Variants in PTPRN2 observed in about 807,000 individuals in gnomAD.
PTPRN2 encodes the protein receptor-type tyrosine-protein phosphatase N2.
Under a neutral mutation model 118.8 loss-of-function variants are expected in PTPRN2, and 74 were observed. The ratio of observed to expected loss-of-function variants is 0.62; its 90% CI spans 0.52 to 0.76. The LOEUF is 0.76. Ranked by LOEUF, PTPRN2 falls within the 30% of genes least tolerant of loss-of-function variation. The pLI is 0.00. For missense variants in PTPRN2, 1,481 were observed against 1,394.4 expected, an observed-to-expected ratio of 1.06 and a Z score of -0.99; for synonymous variants, 641 against 608.0, an observed-to-expected ratio of 1.05 and a Z score of -0.80.
At chr7:158,393,034 A>G (rs771165251) in intron 2 of PTPRN2, among the ~76,000 whole-genome samples, 4 of 152,090 alleles carry the variant, frequency 2.6e-5, no homozygotes, top group Admixed American at 2.0e-4. Flanking sequence ...CCAGCTGCCC[A>G]GGCCCCTGTG....
chr7:158,411,806 T>G (rs1011173361), intron 2 of PTPRN2, among the ~76,000 whole-genome samples: 32 of 152,216 alleles, frequency 2.1e-4, no homozygotes, highest in Admixed American at 3.9e-4. Context: ...GGTCAGTCAC[T>G]GGCCTTCCTC....
intron 12 of PTPRN2, among the ~76,000 whole-genome samples, chr7:157,736,505 G>A (rs1302353562): frequency 6.6e-6 from 1 of 152,204 alleles, no homozygotes; most frequent in Non-Finnish European, 1.5e-5. Context: ...AGAAGATGCT[G>A]TCCACAAGCC....
At chr7:157,792,609 G>A (rs937454427) in intron 12 of PTPRN2, among the ~76,000 whole-genome samples, 1 of 152,326 alleles carries the variant, frequency 6.6e-6, no homozygotes, top group Admixed American at 6.5e-5. Context: ...GTAGGACCTT[G>A]GGGAAGCTGG....
At chr7:157,657,969 AC>A (rs1795677658) in intron 13 of PTPRN2, among the ~76,000 whole-genome samples, 1 of 150,406 alleles carries the variant, frequency 6.6e-6, no homozygotes, top group South Asian at 2.1e-4. Flanking sequence ...TAACAGACAC[AC>A]ACACACCACA....
intron 18 of PTPRN2, 105 bp from the exon 19 acceptor site, chr7:157,576,884 C>A (rs1013831867): frequency 3.7e-5 from 44 of 1,187,346 alleles, no homozygotes; most frequent in Non-Finnish European, 4.9e-5. Context: ...GAGAAGGGGG[C>A]GCTGCGAAGA....
intron 12 of PTPRN2, among the ~76,000 whole-genome samples, chr7:157,885,215 G>A (rs1404543178): frequency 6.6e-6 from 1 of 152,112 alleles, no homozygotes; most frequent in Non-Finnish European, 1.5e-5. Context: ...TGATGCCAGG[G>A]CGGTCTCAAG....
At chr7:158,498,255 C>G (rs1204469998) in intron 1 of PTPRN2, among the ~76,000 whole-genome samples, 1 of 152,222 alleles carries the variant, frequency 6.6e-6, no homozygotes, top group African/African-American at 2.4e-5. Flanking sequence ...GAGCTGGGTA[C>G]CAGGACAACC....
At chr7:157,889,224 G>A (rs1372323079) in intron 12 of PTPRN2, among the ~76,000 whole-genome samples, 1 of 151,936 alleles carries the variant, frequency 6.6e-6, no homozygotes, top group East Asian at 1.9e-4. Context: ...ATGAAGGTCA[G>A]ACCCGCCTGG....
intron 5 of PTPRN2, among the ~76,000 whole-genome samples, chr7:158,187,458 C>T (rs1484354882): frequency 6.6e-6 from 1 of 152,114 alleles, no homozygotes; most frequent in Non-Finnish European, 1.5e-5. Context: ...AGCCGGGGCC[C>T]AGATCTCTAA....
chr7:157,742,626 C>T (rs1375851855), intron 12 of PTPRN2, among the ~76,000 whole-genome samples: 1 of 152,164 alleles, frequency 6.6e-6, no homozygotes, highest in Non-Finnish European at 1.5e-5. Flanking sequence ...GCTCCAAGCA[C>T]ACCCAGAATC....
intron 11 of PTPRN2, among the ~76,000 whole-genome samples, chr7:157,970,586 C>T (rs1197337562): frequency 6.6e-6 from 1 of 151,922 alleles, no homozygotes; most frequent in African/African-American, 2.4e-5. Flanking sequence ...CATGTTTCCT[C>T]CTCTCACTGT....
At chr7:158,456,922 C>T (rs181296049) in intron 2 of PTPRN2, among the ~76,000 whole-genome samples, 1 of 152,334 alleles carries the variant, frequency 6.6e-6, no homozygotes, top group Non-Finnish European at 1.5e-5. Context: ...CACCACAACT[C>T]ACCCACATGA....
chr7:158,527,671 G>A (rs1339726622), intron 1 of PTPRN2, among the ~76,000 whole-genome samples: 2 of 152,194 alleles, frequency 1.3e-5, no homozygotes, highest in Non-Finnish European at 2.9e-5. Flanking sequence ...GCTCCGAGGT[G>A]TGGGCTCCAC....
At chr7:157,846,821 C>A (rs1469124965) in intron 12 of PTPRN2, among the ~76,000 whole-genome samples, 5 of 151,678 alleles carry the variant, frequency 3.3e-5, no homozygotes, top group Non-Finnish European at 7.4e-5. Flanking sequence ...CCCTCTCTCA[C>A]TCCATCATGC....
At chr7:157,812,055 G>A (rs913108124) in intron 12 of PTPRN2, among the ~76,000 whole-genome samples, 1 of 152,148 alleles carries the variant, frequency 6.6e-6, no homozygotes, top group Non-Finnish European at 1.5e-5. Flanking sequence ...CAGGGCAGGC[G>A]GACTCCATGT....
chr7:157,730,174 A>G (rs1799812889), intron 12 of PTPRN2, among the ~76,000 whole-genome samples: 1 of 142,280 alleles, frequency 7.0e-6, no homozygotes, highest in Non-Finnish European at 1.5e-5. Flanking sequence ...AGTCCCACTC[A>G]GGCCACCACC....
intron 12 of PTPRN2, among the ~76,000 whole-genome samples, chr7:157,815,307 G>A (rs1021640955): frequency 2.8e-4 from 43 of 152,244 alleles, no homozygotes; most frequent in African/African-American, 7.5e-4. Context: ...TCAGGCCTGC[G>A]CCCTCCCATG....
At chr7:158,065,528 G>A (rs180780948) in intron 11 of PTPRN2, among the ~76,000 whole-genome samples, 2 of 152,330 alleles carry the variant, frequency 1.3e-5, no homozygotes, top group East Asian at 1.9e-4. Flanking sequence ...CTGGGCTAAC[G>A]GGCTGCGGCC....
chr7:158,094,392 C>G (rs1250279414), intron 10 of PTPRN2, among the ~76,000 whole-genome samples: 1 of 152,192 alleles, frequency 6.6e-6, no homozygotes, highest in Non-Finnish European at 1.5e-5. Context: ...TCACTGCAAC[C>G]TCTGACTCCC....
Sources: allele counts gnomAD v4.1 joint callset (sites outside exome capture counted in the v4.1 genomes callset), GRCh38; gene constraint gnomAD v4.1.1; transcripts MANE v1.5; gene names NCBI Gene and HGNC (gene_info 2026-07-23, HGNC 2026-07-21).